C6orf58: variants seen among roughly 807,000 people sequenced by gnomAD.
C6orf58 encodes the protein protein LEG1 homolog.
C6orf58 carries 30 observed loss-of-function variants against 37.0 expected under a neutral mutation model. That is an observed-to-expected ratio of 0.81 (90% CI 0.61 to 1.10). C6orf58 has a LOEUF of 1.10. Ranked by LOEUF, C6orf58 falls within the 50% of genes least tolerant of loss-of-function variation. C6orf58 has a pLI of 0.00. For missense variants in C6orf58, 368 were observed against 387.5 expected, an observed-to-expected ratio of 0.95 and a Z score of 0.42; for synonymous variants, 143 against 134.1, an observed-to-expected ratio of 1.07 and a Z score of -0.46.
intron 5 of C6orf58, 92 bp downstream of exon 5, chr6:127,590,417 C>G: frequency 2.5e-6 from 2 of 788,346 alleles, no homozygotes; most frequent in Non-Finnish European, 4.1e-6. Flanking sequence ...ATAAACATTA[C>G]AGCACTCCAA....
At position 127,577,277 on chromosome 6, in the gene C6orf58, C is replaced by T. The variant is rs542531909; in HGVS notation, c.92C>T (p.Pro31Leu). The change falls in exon 1 of 6, where the codon CCT becomes CTT. Residue 31 changes from proline to leucine, a missense_variant. Coordinates refer to ENST00000329722, the MANE Select transcript of C6orf58 (RefSeq NM_001010905.3). ...GTSNLSETEP[P>L]LWKESPGQLS... ...TCCAATCTCTCAGAGACAGAGCCCC[C>T]TCTGTGGAAGGAGAGTCCTGGTCAG... 2.5e-6 allele frequency: 4 copies of T among 1,613,490 alleles called. No individual in the cohort carries two copies. The Admixed American group carries it at 6.7e-5, about 27-fold the overall frequency.
intron 5 of C6orf58, 112 bp from the exon 6 acceptor site, chr6:127,591,431 A>T: frequency 1.0e-6 from 1 of 964,358 alleles, no homozygotes. Context: ...TTATGATTTT[A>T]CCATTAAATT....
chr6:127,579,226 C>T (rs1775022503), intron 2 of C6orf58, among the ~76,000 whole-genome samples: 1 of 152,106 alleles, frequency 6.6e-6, no homozygotes, highest in Non-Finnish European at 1.5e-5. Context: ...TCAGTAATCT[C>T]AGGCTTTAAT....
chr6:127,580,471 G>A (rs1187099461), intron 3 of C6orf58, 22 bp downstream of exon 3: 19 of 1,536,984 alleles, frequency 1.2e-5, no homozygotes, highest in East Asian at 2.3e-5. Flanking sequence ...ATACTCTTAC[G>A]AGATAGGAAG....
chr6:127,589,017 A>C (rs1351901475), intron 4 of C6orf58, among the ~76,000 whole-genome samples: 1 of 152,218 alleles, frequency 6.6e-6, no homozygotes, highest in African/African-American at 2.4e-5. Flanking sequence ...AACAGATAAC[A>C]GGTATTATCT....
intron 4 of C6orf58, among the ~76,000 whole-genome samples, chr6:127,581,558 A>G (rs901971655): frequency 7.2e-5 from 11 of 152,044 alleles, no homozygotes; most frequent in African/African-American, 2.7e-4. Flanking sequence ...AATGTAGAAA[A>G]CAAAATATAA....
chr6:127,587,190 T>C (rs948904433), intron 4 of C6orf58, among the ~76,000 whole-genome samples: 32 of 152,186 alleles, frequency 2.1e-4, no homozygotes, highest in African/African-American at 7.2e-4. Flanking sequence ...TCTTGTGTCA[T>C]TTTTATGGAG....
chr6:127,585,015 A>C, intron 4 of C6orf58, among the ~76,000 whole-genome samples: 1 of 152,154 alleles, frequency 6.6e-6, no homozygotes. Context: ...TTTATGAATC[A>C]ATCAATCTCT....
chr6:127,589,343 A>G (rs1775137303), intron 4 of C6orf58, among the ~76,000 whole-genome samples: 1 of 152,234 alleles, frequency 6.6e-6, no homozygotes, highest in Non-Finnish European at 1.5e-5. Context: ...ACAATGTCTC[A>G]GGGAGAACAA....
Position 127,580,302 on chromosome 6 carries a change from T to C in C6orf58, c.426T>C (p.Ala142=), listed in dbSNP as rs1775035019. 1.9e-6 allele frequency: 3 copies of C among 1,612,914 alleles called. No individual in the cohort carries two copies. In the East Asian group the frequency reaches 6.7e-5, roughly 36 times the overall value. Residue 142 remains alanine, a synonymous_variant, in exon 3 of 6, where the codon GCT becomes GCC. Coordinates refer to ENST00000329722, the MANE Select transcript of C6orf58 (RefSeq NM_001010905.3). ...NYFLSSLPFL[A]AVDSGVMGIS... ...TTCTGTCTTCATTACCCTTTCTTGC[T>C]GCGGTTGATTCTGGTGTAATGGGGA...
chr6:127,590,159 A>G lies in C6orf58; in HGVS notation c.747A>G (p.Ala249=). The G allele has an allele frequency of 1.2e-6, 2 of 1,613,856 alleles. No individual in the cohort carries two copies. Among genetic ancestry groups the G allele is most frequent in the Non-Finnish European group, 1.7e-6 (2 of 1,179,814 alleles). ...SWVLAVDHLA[A]VLFPTTLIRS... ...TACTGGCTGTGGATCATTTAGCTGC[A>G]GTCCTCTTTCCTACAACCTTGATTA... The change falls in exon 5 of 6, where the codon GCA becomes GCG. Residue 249 remains alanine (A), a synonymous_variant. Transcript: ENST00000329722.
At chr6:127,588,578 A>T (rs1052795968) in intron 4 of C6orf58, among the ~76,000 whole-genome samples, 2 of 152,178 alleles carry the variant, frequency 1.3e-5, no homozygotes, top group Non-Finnish European at 2.9e-5. Flanking sequence ...TGACTTATGT[A>T]TGCCTGTGTT....
rs1348770001 is a variant in C6orf58 at position 127,577,389 on chromosome 6, G to A, written c.204G>A (p.Leu68=). The change falls in exon 1 of 6, where the codon TTG becomes TTA. Residue 68 remains leucine (L), a synonymous_variant. Transcript: ENST00000329722. ...GAATGGGGATGTATAAAATCATATT[G>A]AATCAGACAGCCAGGTATTTTGCAA... ...LERMGMYKII[L]NQTARYFAKF... is the part of the protein sequence containing the mutation. 2.5e-6 allele frequency: 4 copies of A among 1,613,498 alleles called. No individual in the cohort carries two copies. The highest frequency in any genetic ancestry group is 3.4e-6 in the Non-Finnish European group (4 of 1,179,576).
intron 3 of C6orf58, 43 bp downstream of exon 3, chr6:127,580,492 TTG>T: frequency 6.7e-7 from 1 of 1,486,010 alleles, no homozygotes; most frequent in Non-Finnish European, 9.3e-7. Flanking sequence ...AGAGTTTATT[TTG>T]TCATATAATT....
Position 127,578,947 on chromosome 6 carries a change from C to T in C6orf58, c.388+175C>T, listed in dbSNP as rs149764898. Among the ~76,000 whole-genome samples, 435 of 152,162 alleles carry T rather than the reference C, an allele frequency of 2.9e-3. 4 individuals are homozygous for T. The highest frequency in any genetic ancestry group is 0.01 in the African/African-American group (419 of 41,542). ...GTCACTTTAAGGGATTTAAGAGCCA[C>T]AATGTCAATAATGATTCCTTAGGAC... On this transcript the variant is annotated intron_variant, in intron 2 of 5. Coordinates refer to ENST00000329722, the MANE Select transcript of C6orf58 (RefSeq NM_001010905.3).
At chr6:127,586,187 G>T (rs1321979825) in intron 4 of C6orf58, among the ~76,000 whole-genome samples, 1 of 152,124 alleles carries the variant, frequency 6.6e-6, no homozygotes, top group African/African-American at 2.4e-5. Context: ...AAATTTGTCA[G>T]TGTGGCACAA....
Position 127,581,186 on chromosome 6 carries a change from T to C in C6orf58, c.578T>C (p.Leu193Ser). ...AATTTGACCTCTTTACCTTAGTATTTGCAGTCACCTTTTAGTAAGTTTGAT... is the reference window on the plus strand; with the variant it reads ...AATTTGACCTCTTTACCTTAGTATTCGCAGTCACCTTTTAGTAAGTTTGAT... ...MNKWNTFYQY[L>S]QSPFSKFDDL... The change falls in exon 4 of 6, where the codon TTG becomes TCG. Residue 193 changes from leucine to serine, a missense_variant. Leu to Ser is a moderately radical substitution (Grantham distance 145). Transcript: ENST00000329722. 6.8e-7 allele frequency: 1 copy of C among 1,470,326 alleles called. No individual in the cohort carries two copies. The highest frequency in any genetic ancestry group is 9.2e-7 in the Non-Finnish European group (1 of 1,091,316). 91.1% of individuals were successfully genotyped at this position (1,470,326 alleles called of 1,614,324 possible). A position where few individuals can be genotyped will look rare whatever the true frequency, so the allele number is the denominator to read the frequency against.
intron 1 of C6orf58, among the ~76,000 whole-genome samples, chr6:127,578,082 C>T (rs527953280): frequency 3.0e-4 from 45 of 152,130 alleles, no homozygotes; most frequent in African/African-American, 1.0e-3. Context: ...TTGCCCACTC[C>T]CTGCTGATGA....
At chr6:127,583,126 A>G (rs1775067860) in intron 4 of C6orf58, among the ~76,000 whole-genome samples, 1 of 152,190 alleles carries the variant, frequency 6.6e-6, no homozygotes, top group Non-Finnish European at 1.5e-5. Context: ...GCTTAATTTA[A>G]TTACCATACT....
Sources: allele counts gnomAD v4.1 joint callset (sites outside exome capture counted in the v4.1 genomes callset), GRCh38; gene constraint gnomAD v4.1.1; transcripts MANE v1.5; gene names NCBI Gene and HGNC (gene_info 2026-07-23, HGNC 2026-07-21).